The following CENPV variants were observed in gnomAD, a reference collection of about 807,000 sequenced individuals.
CENPV encodes centromere protein V.
A neutral mutation model predicts 26.4 loss-of-function variants in CENPV; 15 were observed. That is an observed-to-expected ratio of 0.57 (90% confidence interval 0.38 to 0.88). The LOEUF is 0.88. Among genes scored for constraint, CENPV ranks in the 40% least tolerant of loss-of-function variants. CENPV has a pLI of 0.00. For synonymous variants in CENPV, 172 were observed against 165.5 expected (o/e 1.04, Z -0.30); for missense variants, 336 against 376.5 (o/e 0.89, Z 0.89).
rs572985889 is a variant in CENPV at position 16,345,131 on chromosome 17, A to G, written c.580-420T>C. 2.6e-5 allele frequency among the ~76,000 whole-genome samples: 4 copies of G among 151,730 alleles called. No homozygotes were observed. In the South Asian group the frequency reaches 6.3e-4, roughly 24 times the overall value. ...CACCTTTGTAGCCGGGTGTGGTGGC[A>G]GGCGCCTGTAGTCCCAGCTACTCGG... is the stretch of plus-strand genomic sequence containing the variant. On this transcript the variant is annotated intron_variant, in intron 3 of 4. Transcript: ENST00000299736.
At chr17:16,346,019 T>A (rs915571012) in intron 3 of CENPV, among the ~76,000 whole-genome samples, 1 of 152,130 alleles carries the variant, frequency 6.6e-6, no homozygotes, top group Admixed American at 6.6e-5. Flanking sequence ...AATAAATCAC[T>A]CTTTAGCCTA....
chr17:16,350,151 A>G (rs1273071611), intron 1 of CENPV, 122 bp from the exon 2 acceptor site: 2 of 1,220,028 alleles, frequency 1.6e-6, no homozygotes, highest in Admixed American at 3.0e-5. Context: ...AACCAGATGC[A>G]TTTCTGCTTT....
chr17:16,343,763 C>A (rs1313137496), intron 4 of CENPV, among the ~76,000 whole-genome samples: 1 of 151,488 alleles, frequency 6.6e-6, no homozygotes, highest in East Asian at 1.9e-4. Flanking sequence ...CCCTGCCCTG[C>A]CTCCCCCACC....
chr17:16,346,336 C>T (rs1015367601), intron 3 of CENPV, among the ~76,000 whole-genome samples: 3 of 152,108 alleles, frequency 2.0e-5, no homozygotes, highest in Non-Finnish European at 4.4e-5. Context: ...TGAAAATGTC[C>T]CTCAATAGAG....
intron 2 of CENPV, 89 bp downstream of exon 2, chr17:16,349,842 C>T (rs971885832): frequency 2.6e-6 from 4 of 1,537,854 alleles, no homozygotes; most frequent in African/African-American, 1.4e-5. Flanking sequence ...AATGTTTCCT[C>T]TGTACCCCAA....
intron 2 of CENPV, chr17:16,348,891 T>G: frequency 2.2e-6 from 3 of 1,362,354 alleles, no homozygotes; most frequent in Non-Finnish European, 1.9e-6. Context: ...AAGTCAGCAG[T>G]CGAGGTTCTG....
chr17:16,349,834 T>C (rs1370737180), intron 2 of CENPV, 97 bp downstream of exon 2: 7 of 1,516,722 alleles, frequency 4.6e-6, no homozygotes, highest in Non-Finnish European at 6.2e-6. Context: ...CCAAGGCCAA[T>C]GTTTCCTCTG....
chr17:16,348,861 G>A, intron 2 of CENPV, 176 bp from the exon 3 acceptor site: 4 of 1,403,566 alleles, frequency 2.8e-6, no homozygotes, highest in South Asian at 1.4e-5. Flanking sequence ...TGCAGGTACA[G>A]CAGAGCCCAG....
intron 3 of CENPV, among the ~76,000 whole-genome samples, chr17:16,345,261 C>CAAAAA (rs1180328905): frequency 2.2e-5 from 1 of 45,312 alleles, no homozygotes; most frequent in Non-Finnish European, 4.5e-5. Context: ...GACTCCGTCT[C>CAAAAA]AAAAAAAAAA....
Position 16,352,996 on chromosome 17 carries a change from G to T in CENPV, c.410+31C>A, listed in dbSNP as rs1181735756. On this transcript the variant is annotated intron_variant, in intron 1 of 4. Coordinates refer to ENST00000299736, the MANE Select transcript of CENPV (RefSeq NM_181716.3). The stretch of plus-strand genomic sequence containing the variant: ...TGCCGAGGGGGTCCGCGTGGCAACG[G>T]CTCCCGCGCCCCCCGGCCCGCCGCA... 3 of 1,523,404 alleles carry T rather than the reference G, an allele frequency of 2.0e-6. No individual in the cohort carries two copies. In the Admixed American group the frequency reaches 6.2e-5, roughly 32 times the overall value. The allele number at this position is 1,523,404 out of a possible 1,614,324, so 94.4% of individuals were successfully genotyped here. A position where few individuals can be genotyped will look rare whatever the true frequency, so the allele number is the denominator to read the frequency against.
At chr17:16,351,270 A>T (rs1020704416) in intron 1 of CENPV, 2 of 152,216 alleles carry the variant, frequency 1.3e-5, no homozygotes, top group African/African-American at 4.8e-5. Flanking sequence ...TATATAAGCC[A>T]AACTCAGAAA....
rs984829824 is a variant in CENPV, at chr17:16,353,338, T to A, written c.99A>T (p.Ala33=). 3 of 1,339,586 alleles carry A rather than the reference T, an allele frequency of 2.2e-6. No individual in the cohort carries two copies. The Admixed American group carries it at 9.5e-5, about 42-fold the overall frequency. 83.0% of individuals were successfully genotyped at this position (1,339,586 alleles called of 1,614,324 possible). Residue 33 remains alanine, a synonymous_variant, in exon 1 of 5, where the codon GCA becomes GCT. Transcript: ENST00000299736. ...AGCGCCGTGTGCGGGTGGCGCTGGG[T>A]GCCAAGGCAGCGGCCGCGGAGGCCG... ...APAASAAAAL[A]PSATRTRRSA... is the part of the protein sequence containing the mutation.
chr17:16,352,802 C>T (rs531646571), intron 1 of CENPV, among the ~76,000 whole-genome samples: 3 of 152,106 alleles, frequency 2.0e-5, no homozygotes, highest in Non-Finnish European at 4.4e-5. Context: ...GACGAAGCCC[C>T]CTTTCCATTC....
rs1410778464 is a variant in CENPV at position 16,349,995 on chromosome 17, A to G, written c.445T>C (p.Cys149Arg). The change falls in exon 2 of 5, where the codon TGC becomes CGC. Residue 149 changes from cysteine (C) to arginine (R), a missense_variant. Coordinates refer to ENST00000299736, the MANE Select transcript of CENPV (RefSeq NM_181716.3). ...YQGLVKHTGGCHCGAVRFEVW... is the reference protein window; with the variant it reads ...YQGLVKHTGGRHCGAVRFEVW... ...TCAAAACGAACTGCTCCACAGTGGC[A>G]GCCTCCTGTGTGCTTCACCAGGCCC... 6.2e-7 allele frequency: 1 copy of G among 1,613,860 alleles called. No individual in the cohort carries two copies. The highest frequency in any genetic ancestry group is 1.3e-5 in the African/African-American group (1 of 74,944).
intron 4 of CENPV, among the ~76,000 whole-genome samples, chr17:16,343,605 T>G (rs756052837): frequency 2.0e-5 from 3 of 152,216 alleles, no homozygotes; most frequent in Non-Finnish European, 4.4e-5. Flanking sequence ...GATAACTTTC[T>G]AAGAATTAAA....
At chr17:16,348,559 T>A in intron 3 of CENPV, 57 bp downstream of exon 3, 1 of 1,604,124 alleles carries the variant, frequency 6.2e-7, no homozygotes, top group East Asian at 2.2e-5. Context: ...GGGTGGGGGG[T>A]CCTGTAAATC....
intron 3 of CENPV, among the ~76,000 whole-genome samples, chr17:16,346,070 C>T (rs2093205243): frequency 1.3e-5 from 2 of 152,158 alleles, no homozygotes; most frequent in East Asian, 3.8e-4. Flanking sequence ...ATGTATTTCA[C>T]TGTCAGGTGG....
chr17:16,352,168 A>C (rs765211602), intron 1 of CENPV, among the ~76,000 whole-genome samples: 20 of 152,168 alleles, frequency 1.3e-4, no homozygotes, highest in Non-Finnish European at 2.8e-4. Context: ...AATTCGTAAA[A>C]TTGACACTGA....
chr17:16,348,020 A>G (rs571394894), intron 3 of CENPV: 5 of 152,452 alleles, frequency 3.3e-5, no homozygotes, highest in African/African-American at 1.2e-4. Context: ...AGACACCAAA[A>G]TATTAACAGT....
Sources: gnomAD v4.1 joint callset for allele counts (sites outside exome capture counted in the v4.1 genomes callset) on GRCh38, gnomAD v4.1.1 for gene constraint, MANE v1.5 for transcripts, NCBI Gene and HGNC (gene_info 2026-07-23, HGNC 2026-07-21) for gene names.